BNC2: variants seen among roughly 807,000 people sequenced by gnomAD.
BNC2 encodes zinc finger protein basonuclin-2.
Under a neutral mutation model 76.3 loss-of-function variants are expected in BNC2, and 20 were observed. That is an observed-to-expected ratio of 0.26 (90% CI 0.18 to 0.38). The LOEUF (loss-of-function observed/expected upper bound fraction) is 0.38, where lower values mean the gene tolerates loss of function less well. Among genes scored for constraint, BNC2 ranks in the 10% least tolerant of loss-of-function variants. The probability of loss-of-function intolerance (pLI) is 1.00; values close to 1 mark genes in which losing one functional copy is unlikely to be tolerated. For missense variants in BNC2, 1,382 were observed against 1,399.8 expected, an observed-to-expected ratio of 0.99 and a Z score of 0.20; for synonymous variants, 582 against 514.8, an observed-to-expected ratio of 1.13 and a Z score of -1.77.
At chr9:16,556,309 CTT>C (rs1172036262) in intron 4 of BNC2, among the ~76,000 whole-genome samples, 1 of 151,826 alleles carries the variant, frequency 6.6e-6, no homozygotes, top group Non-Finnish European at 1.5e-5. Flanking sequence ...AACAAACAAA[CTT>C]TATTTACACA....
chr9:16,795,148 A>G (rs1817609890), intron 1 of BNC2, among the ~76,000 whole-genome samples: 1 of 152,176 alleles, frequency 6.6e-6, no homozygotes, highest in Non-Finnish European at 1.5e-5. Context: ...GGCTGACTAG[A>G]GTTGAAAACA....
intron 3 of BNC2, among the ~76,000 whole-genome samples, chr9:16,684,754 T>C (rs1370632227): frequency 6.6e-6 from 1 of 152,086 alleles, no homozygotes; most frequent in African/African-American, 2.4e-5. Flanking sequence ...GGCACACACA[T>C]TCCTTAAATA....
chr9:16,837,570 C>T (rs747134112), intron 1 of BNC2, among the ~76,000 whole-genome samples: 1 of 152,216 alleles, frequency 6.6e-6, no homozygotes, highest in Non-Finnish European at 1.5e-5. Context: ...CTGCCAAGTT[C>T]TTCCATCTCC....
intron 3 of BNC2, among the ~76,000 whole-genome samples, chr9:16,653,603 G>C (rs1170906640): frequency 1.3e-5 from 2 of 152,178 alleles, no homozygotes; most frequent in East Asian, 3.9e-4. Flanking sequence ...AGAAGGAGCC[G>C]TTTCAGCAGG....
chr9:16,530,169 T>G (rs955157656), intron 5 of BNC2, among the ~76,000 whole-genome samples: 1 of 147,214 alleles, frequency 6.8e-6, no homozygotes, highest in Non-Finnish European at 1.5e-5. Flanking sequence ...TTGTTTTTTG[T>G]TTTTTTTTTT....
At chr9:16,522,334 C>T (rs1817644935) in intron 5 of BNC2, among the ~76,000 whole-genome samples, 1 of 152,220 alleles carries the variant, frequency 6.6e-6, no homozygotes, top group Non-Finnish European at 1.5e-5. Flanking sequence ...ACGGCCTCTT[C>T]CTCCTAGCAT....
chr9:16,711,409 T>C (rs1412963580), intron 3 of BNC2, among the ~76,000 whole-genome samples: 1 of 152,112 alleles, frequency 6.6e-6, no homozygotes, highest in Non-Finnish European at 1.5e-5. Context: ...TAAAACGGAG[T>C]TTACATCCAC....
intron 5 of BNC2, among the ~76,000 whole-genome samples, chr9:16,444,737 T>C (rs1172467218): frequency 6.6e-6 from 1 of 152,156 alleles, no homozygotes; most frequent in Non-Finnish European, 1.5e-5. Context: ...TTACAAACAG[T>C]TCTGAAGAAA....
chr9:16,607,893 T>C (rs1735389287), intron 3 of BNC2, among the ~76,000 whole-genome samples: 1 of 152,162 alleles, frequency 6.6e-6, no homozygotes, highest in Non-Finnish European at 1.5e-5. Context: ...CATTAATGTG[T>C]GAACACAGTT....
chr9:16,843,954 A>G lies in BNC2; in HGVS notation c.3+26692T>C, dbSNP rs191094634. On this transcript the variant is annotated intron_variant, in intron 1 of 6. Coordinates refer to ENST00000380672, the MANE Select transcript of BNC2 (RefSeq NM_017637.6). ...CTGTTTTTATCAAATTCTGGTTTTTACTCTTAGGTTTTTTGTTGTTGTTGT... is the reference window on the plus strand; with the variant it reads ...CTGTTTTTATCAAATTCTGGTTTTTGCTCTTAGGTTTTTTGTTGTTGTTGT... Among the ~76,000 whole-genome samples, 689 of 152,174 alleles carry G rather than the reference A, an allele frequency of 4.5e-3. 3 individuals are homozygous for G. The highest frequency in any genetic ancestry group is 0.016 in the African/African-American group (653 of 41,512).
intron 3 of BNC2, among the ~76,000 whole-genome samples, chr9:16,691,688 T>C (rs909249747): frequency 7.2e-5 from 11 of 151,990 alleles, no homozygotes; most frequent in Non-Finnish European, 1.2e-4. Flanking sequence ...TTTTTGTATT[T>C]TTAATAGAGA....
chr9:16,434,824 C>G (rs555668792), intron 6 of BNC2: 1 of 456,470 alleles, frequency 2.2e-6, no homozygotes, highest in Non-Finnish European at 4.4e-6. Flanking sequence ...CATGCCTCCC[C>G]TTCTGTGCAT....
intron 1 of BNC2, among the ~76,000 whole-genome samples, chr9:16,793,956 C>A (rs957004271): frequency 8.0e-5 from 12 of 150,724 alleles, no homozygotes; most frequent in East Asian, 2.0e-4. Flanking sequence ...CCCATCTCGG[C>A]CTCCCAAAGT....
chr9:16,746,234 A>AC (rs1401311006), intron 1 of BNC2, among the ~76,000 whole-genome samples: 4 of 152,174 alleles, frequency 2.6e-5, no homozygotes, highest in African/African-American at 9.6e-5. Context: ...ACTTGTGAGA[A>AC]CTGACTATTA....
At chr9:16,462,456 G>T (rs1441721371) in intron 5 of BNC2, among the ~76,000 whole-genome samples, 1 of 151,994 alleles carries the variant, frequency 6.6e-6, no homozygotes, top group Non-Finnish European at 1.5e-5. Context: ...GTGTAAAGTG[G>T]AAACCAAAAC....
intron 1 of BNC2, among the ~76,000 whole-genome samples, chr9:16,824,183 C>CT (rs1818401806): frequency 1.3e-5 from 2 of 152,104 alleles, no homozygotes; most frequent in Admixed American, 6.5e-5. Flanking sequence ...GGTAATGTGT[C>CT]TAACGACAGT....
chr9:16,569,625 T>C (rs1405504218), intron 4 of BNC2, among the ~76,000 whole-genome samples: 2 of 152,230 alleles, frequency 1.3e-5, no homozygotes, highest in Non-Finnish European at 2.9e-5. Flanking sequence ...CTCTCCTGGC[T>C]AGTAGATTAA....
chr9:16,620,023 C>T (rs1004766957), intron 3 of BNC2, among the ~76,000 whole-genome samples: 4 of 152,230 alleles, frequency 2.6e-5, no homozygotes, highest in Non-Finnish European at 4.4e-5. Context: ...GCCTTCTTCC[C>T]GTGAAGATCA....
chr9:16,516,024 G>C (rs2132000068), intron 5 of BNC2, among the ~76,000 whole-genome samples: 2 of 151,738 alleles, frequency 1.3e-5, no homozygotes, highest in South Asian at 4.2e-4. Flanking sequence ...GTGACCTTAA[G>C]TAAGAGACTG....
Sources: allele counts gnomAD v4.1 joint callset (sites outside exome capture counted in the v4.1 genomes callset), GRCh38; gene constraint gnomAD v4.1.1; transcripts MANE v1.5; gene names NCBI Gene and HGNC (gene_info 2026-07-23, HGNC 2026-07-21).